Variants in ST3GAL4 observed in about 807,000 individuals in gnomAD.
ST3GAL4 encodes ST3 beta-galactoside alpha-2,3-sialyltransferase 4.
Under a neutral mutation model 42.6 loss-of-function variants are expected in ST3GAL4, and 24 were observed. That is an observed-to-expected ratio of 0.56 (90% confidence interval 0.41 to 0.79). ST3GAL4 has a LOEUF of 0.79. Ranked by LOEUF, ST3GAL4 falls within the 30% of genes least tolerant of loss-of-function variation. The pLI is 0.00. For synonymous variants in ST3GAL4, 135 were observed against 163.2 expected, an observed-to-expected ratio of 0.83 and a Z score of 1.32; for missense variants, 311 against 430.8, an observed-to-expected ratio of 0.72 and a Z score of 2.46.
In ST3GAL4 at chr11:126,406,162, A is replaced by T. The variant is rs752532606; in HGVS notation, c.7A>T (p.Ser3Cys). 6.7e-5 allele frequency: 105 copies of T among 1,557,344 alleles called. No homozygotes were observed. The highest frequency in any genetic ancestry group is 8.6e-5 in the Non-Finnish European group (99 of 1,150,350). Residue 3 changes from serine to cysteine, a missense_variant, in exon 2 of 11, where the codon AGC becomes TGC. Ser to Cys is a moderately radical substitution (Grantham distance 112). Transcript: ENST00000444328. The surrounding 1 kb of genome is among the most constrained non-coding windows in gnomAD (Gnocchi z 5.4). The part of the protein sequence containing the change: MV[S>C]KSRWKLLAML... ...CTGCTGCCTGCTGAGAAACATGGTCAGCAAGTCCCGTGAGTGTCATCCGAG... is the reference window on the plus strand; with the variant it reads ...CTGCTGCCTGCTGAGAAACATGGTCTGCAAGTCCCGTGAGTGTCATCCGAG...
At chr11:126,413,010 C>T (rs551702667) in intron 9 of ST3GAL4, among the ~76,000 whole-genome samples, 29 of 152,346 alleles carry the variant, frequency 1.9e-4, no homozygotes, top group Admixed American at 3.9e-4. Context: ...CTTATCTCTA[C>T]AGGCCCCAGG....
At chr11:126,394,430 T>C (rs1953649100) in intron 1 of ST3GAL4, among the ~76,000 whole-genome samples, 1 of 152,216 alleles carries the variant, frequency 6.6e-6, no homozygotes, top group Non-Finnish European at 1.5e-5. Flanking sequence ...TATGATTTTC[T>C]TTTTTCTTTT....
Position 126,412,349 on chromosome 11 carries a change from G to T in ST3GAL4, c.772-1156G>T, listed in dbSNP as rs1954569141. Among the ~76,000 whole-genome samples the T allele has an allele frequency of 2.0e-5, 3 of 152,316 alleles. No homozygotes were observed. In the South Asian group the frequency reaches 6.2e-4, roughly 32 times the overall value. On this transcript the variant is annotated intron_variant, in intron 9 of 10. Transcript: ENST00000444328. The stretch of plus-strand genomic sequence containing the variant: ...AGGGAGAAAGCTGGCATGTCGACAG[G>T]CCTGATGAGGTCCAGGAAAGGCTCC...
At chr11:126,389,122 C>T (rs1367898175) in intron 1 of ST3GAL4, among the ~76,000 whole-genome samples, 2 of 152,032 alleles carry the variant, frequency 1.3e-5, no homozygotes, top group African/African-American at 4.8e-5. Context: ...TCTACTCCTC[C>T]CTCTCTCTCT....
chr11:126,407,786 G>C lies in ST3GAL4; in HGVS notation c.341+152G>C, dbSNP rs1954319903. ...CATGGTAGCCTAGCCTGGGCATCTGGGTGCAGAGTGGGCAGAGGCTGCTCG... is the reference window on the plus strand; with the variant it reads ...CATGGTAGCCTAGCCTGGGCATCTGCGTGCAGAGTGGGCAGAGGCTGCTCG... On this transcript the variant is annotated intron_variant, in intron 6 of 10. Coordinates refer to ENST00000444328, the MANE Select transcript of ST3GAL4 (RefSeq NM_001254757.2). 119 of 890,666 alleles carry C rather than the reference G, an allele frequency of 1.3e-4. 2 individuals are homozygous for C. In the South Asian group the frequency reaches 1.8e-3, roughly 14 times the overall value. The allele number at this position is 890,666 out of a possible 1,614,324, so 55.2% of individuals were successfully genotyped here.
chr11:126,362,672 C>G (rs1042168523), intron 1 of ST3GAL4, among the ~76,000 whole-genome samples: 1 of 152,176 alleles, frequency 6.6e-6, no homozygotes, highest in Admixed American at 6.5e-5. Flanking sequence ...TCACTAGGAG[C>G]TGTCCTGGCA....
chr11:126,402,575 T>C (rs1442982707), intron 1 of ST3GAL4, among the ~76,000 whole-genome samples: 1 of 152,070 alleles, frequency 6.6e-6, no homozygotes, highest in Non-Finnish European at 1.5e-5. Context: ...CCAGACCCCT[T>C]CCCCGGAACA....
At chr11:126,357,936 A>G (rs1235565104) in intron 1 of ST3GAL4, among the ~76,000 whole-genome samples, 3 of 152,166 alleles carry the variant, frequency 2.0e-5, no homozygotes, top group African/African-American at 7.2e-5. Context: ...ACTAATACAA[A>G]TGTTTCCGTG....
chr11:126,358,557 G>T (rs1432432658), intron 1 of ST3GAL4: 1 of 434,736 alleles, frequency 2.3e-6, no homozygotes, highest in Non-Finnish European at 4.7e-6. Flanking sequence ...GAAGTGGTCA[G>T]TGTAGCTTCA....
intron 1 of ST3GAL4, among the ~76,000 whole-genome samples, chr11:126,394,248 C>T (rs539204817): frequency 6.6e-5 from 10 of 152,130 alleles, no homozygotes; most frequent in African/African-American, 1.2e-4. Context: ...GAGGGAGGAG[C>T]GCCCGGGAGC....
At position 126,391,535 on chromosome 11, in the gene ST3GAL4, C is replaced by T. The variant is rs1953513185; in HGVS notation, c.-60-14561C>T. Reference sequence around the variant, plus strand: ...CCAGTGTGGTCTCCTTCCTTTTCCTCACCACTTCTCCTACCTAACCCCAAG... The same window carrying T: ...CCAGTGTGGTCTCCTTCCTTTTCCTTACCACTTCTCCTACCTAACCCCAAG... On this transcript the variant is annotated intron_variant, in intron 1 of 10. Coordinates refer to ENST00000444328, the MANE Select transcript of ST3GAL4 (RefSeq NM_001254757.2). This position sits in a 1 kb window ranked among gnomAD's most constrained non-coding sequence, Gnocchi z 5.5. Among the ~76,000 whole-genome samples, 1 of 152,182 alleles carries T rather than the reference C, an allele frequency of 6.6e-6. No homozygotes were observed. Among genetic ancestry groups the T allele is most frequent in the Non-Finnish European group, 1.5e-5 (1 of 68,030 alleles).
At chr11:126,394,830 T>TGGGG (rs1407590033) in intron 1 of ST3GAL4, among the ~76,000 whole-genome samples, 2 of 40,260 alleles carry the variant, frequency 5.0e-5, no homozygotes, top group Admixed American at 2.7e-4. Flanking sequence ...CAGGGGCGGA[T>TGGGG]GGTGGGGGGT....
chr11:126,385,737 C>T (rs1458399841), intron 1 of ST3GAL4, among the ~76,000 whole-genome samples: 2 of 151,548 alleles, frequency 1.3e-5, no homozygotes, highest in Admixed American at 6.6e-5. Flanking sequence ...CAGGACAGGG[C>T]GTGGTGGCTC....
chr11:126,403,974 G>C (rs1489822224), intron 1 of ST3GAL4, among the ~76,000 whole-genome samples: 3 of 152,182 alleles, frequency 2.0e-5, no homozygotes, highest in East Asian at 3.9e-4. Flanking sequence ...CACCCAGCGG[G>C]CTTCAGCGAA....
At position 126,355,737 on chromosome 11, in the gene ST3GAL4, C is replaced by T. The variant is rs534154324; in HGVS notation, c.-166C>T. ...CGGACCCGCGCCCGGGACAGGGACCCGGCCGAGTCGAGCCGTCGCGCCAGC... is the reference window on the plus strand; with the variant it reads ...CGGACCCGCGCCCGGGACAGGGACCTGGCCGAGTCGAGCCGTCGCGCCAGC... On this transcript the variant is annotated 5_prime_UTR_variant, in exon 1 of 11. Transcript: ENST00000444328. This position sits in a 1 kb window ranked among gnomAD's most constrained non-coding sequence, Gnocchi z 7.1. The T allele has an allele frequency of 1.3e-5, 2 of 151,764 alleles. No individual in the cohort carries two copies. Among genetic ancestry groups the T allele is most frequent in the Non-Finnish European group, 2.9e-5 (2 of 67,832 alleles). The allele number at this position is 151,764 out of a possible 1,614,324, so 9.4% of individuals were successfully genotyped here.
intron 1 of ST3GAL4, among the ~76,000 whole-genome samples, chr11:126,403,788 A>G (rs1251475476): frequency 6.6e-6 from 1 of 152,206 alleles, no homozygotes; most frequent in Non-Finnish European, 1.5e-5. Flanking sequence ...GAGTAGTTCT[A>G]GCCATGCAGC....
intron 1 of ST3GAL4, among the ~76,000 whole-genome samples, chr11:126,385,306 C>T (rs1175549313): frequency 6.6e-6 from 1 of 151,962 alleles, no homozygotes; most frequent in Non-Finnish European, 1.5e-5. Context: ...GCGCCCACCA[C>T]CACACCCGGC....
chr11:126,407,962 G>A (rs145453848), intron 6 of ST3GAL4, 137 bp from the exon 7 acceptor site: 4 of 979,690 alleles, frequency 4.1e-6, no homozygotes, highest in Non-Finnish European at 6.0e-6. Flanking sequence ...GCAGGACCAC[G>A]GGGTGATGCC....
At chr11:126,389,114 T>C (rs1388187358) in intron 1 of ST3GAL4, among the ~76,000 whole-genome samples, 1 of 152,194 alleles carries the variant, frequency 6.6e-6, no homozygotes, top group Non-Finnish European at 1.5e-5. Context: ...GTCTTCTCTC[T>C]ACTCCTCCCT....
Sources: allele counts gnomAD v4.1 joint callset (sites outside exome capture counted in the v4.1 genomes callset), GRCh38; gene constraint gnomAD v4.1.1; non-coding constraint Gnocchi (gnomAD v3.1); transcripts MANE v1.5; gene names NCBI Gene and HGNC (gene_info 2026-07-23, HGNC 2026-07-21).